SNX5: variants seen among roughly 807,000 people sequenced by gnomAD.
The protein encoded by SNX5 is sorting nexin-5.
Under a neutral mutation model 53.9 loss-of-function variants are expected in SNX5, and 31 were observed. The observed-to-expected ratio is 0.58, with a 90% CI of 0.43 to 0.78. The LOEUF (loss-of-function observed/expected upper bound fraction) is 0.78, where lower values mean the gene tolerates loss of function less well. SNX5 is among the 30% of genes least tolerant of loss of function. SNX5 has a pLI of 0.00. For missense variants in SNX5, 471 were observed against 478.8 expected, an observed-to-expected ratio of 0.98 and a Z score of 0.15; for synonymous variants, 168 against 171.1, an observed-to-expected ratio of 0.98 and a Z score of 0.14.
intron 1 of SNX5, among the ~76,000 whole-genome samples, chr20:17,958,022 A>G (rs1010786184): frequency 7.0e-6 from 1 of 143,164 alleles, no homozygotes; most frequent in East Asian, 2.0e-4. Context: ...AAAAAAAAAA[A>G]GAGAGGAGAG....
At chr20:17,967,343 C>CAAAAAA (rs11471715) in intron 1 of SNX5, among the ~76,000 whole-genome samples, 1 of 146,652 alleles carries the variant, frequency 6.8e-6, no homozygotes, top group African/African-American at 2.5e-5. Context: ...AAAGAACTTT[C>CAAAAAA]AAAAAAAAAA....
chr20:17,965,548 T>C (rs1394518372), intron 1 of SNX5, among the ~76,000 whole-genome samples: 5 of 151,848 alleles, frequency 3.3e-5, no homozygotes, highest in African/African-American at 1.2e-4. Flanking sequence ...TGTGTGCCTG[T>C]AGCCCCAGCT....
intron 5 of SNX5, 53 bp downstream of exon 5, chr20:17,952,534 T>C (rs2039584993): frequency 6.4e-7 from 1 of 1,553,424 alleles, no homozygotes; most frequent in Non-Finnish European, 8.8e-7. Flanking sequence ...AAGTACATTT[T>C]GAAAGTATAA....
chr20:17,961,622 GAC>G (rs2035451630), intron 1 of SNX5: 3 of 984,164 alleles, frequency 3.0e-6, no homozygotes, highest in South Asian at 4.7e-5. Context: ...GGATAAAAAA[GAC>G]ACATATCTAT....
intron 6 of SNX5, 91 bp downstream of exon 6, chr20:17,951,409 T>A: frequency 1.3e-6 from 1 of 770,904 alleles, no homozygotes; most frequent in Non-Finnish European, 2.3e-6. Flanking sequence ...AAGTTAACCA[T>A]TTGTTTCACA....
intron 1 of SNX5, among the ~76,000 whole-genome samples, chr20:17,963,501 C>T (rs1256478480): frequency 1.3e-5 from 2 of 152,136 alleles, no homozygotes; most frequent in African/African-American, 4.8e-5. Context: ...ATGCCAGTTT[C>T]CTTTACTCAG....
intron 1 of SNX5, among the ~76,000 whole-genome samples, chr20:17,966,633 C>T (rs768249717): frequency 6.6e-6 from 1 of 152,152 alleles, no homozygotes; most frequent in Non-Finnish European, 1.5e-5. Flanking sequence ...TCAAGTATGT[C>T]CCCCTACCTT....
chr20:17,958,863 C>G (rs1301137760), intron 1 of SNX5, among the ~76,000 whole-genome samples: 1 of 152,018 alleles, frequency 6.6e-6, no homozygotes, highest in Non-Finnish European at 1.5e-5. Flanking sequence ...ATTGCAGAGG[C>G]TATACCAACG....
intron 11 of SNX5, chr20:17,944,124 G>A (rs2039453856): frequency 6.6e-6 from 1 of 152,140 alleles, no homozygotes; most frequent in Admixed American, 6.5e-5. Flanking sequence ...TCACTTACAG[G>A]TAAAATCTTA....
Position 17,956,692 on chromosome 20 carries a change from AAAAAAAAAAAAAC to A in SNX5, c.156+228_156+240del, listed in dbSNP as rs1196844039. On this transcript the variant is annotated intron_variant, in intron 2 of 12. Coordinates refer to ENST00000377759, the MANE Select transcript of SNX5 (RefSeq NM_014426.4). ...TGTCTCCAAAAAAAAAAAAAAAAAA[AAAAAAAAAAAAAC>A]AAAAAAACAATGCCCACAGCCCAGG... Among the ~76,000 whole-genome samples, 270 of 118,750 alleles carry A rather than the reference AAAAAAAAAAAAAC, an allele frequency of 2.3e-3. 2 individuals carry two copies. The highest frequency in any genetic ancestry group is 3.5e-3 in the South Asian group (11 of 3,106). The allele number at this position is 118,750 out of a possible 152,430, so 77.9% of individuals were successfully genotyped here.
At position 17,968,716 on chromosome 20, in the gene SNX5, G is replaced by C; in HGVS notation, c.-291C>G. The C allele has an allele frequency of 2.3e-6, 1 of 435,836 alleles. No homozygotes were observed. Among genetic ancestry groups the C allele is most frequent in the South Asian group, 2.5e-5 (1 of 39,412 alleles). The allele number at this position is 435,836 out of a possible 1,614,324, so 27.0% of individuals were successfully genotyped here. A position where few individuals can be genotyped will look rare whatever the true frequency, so the allele number is the denominator to read the frequency against. ...GGGGCCTACCCTTGCTCCGCTCCACGAGGAGGCCGCCAACCGCAGGGCCGC... is the reference window on the plus strand; with the variant it reads ...GGGGCCTACCCTTGCTCCGCTCCACCAGGAGGCCGCCAACCGCAGGGCCGC... On this transcript the variant is annotated 5_prime_UTR_variant, in exon 1 of 13. Coordinates refer to ENST00000377759, the MANE Select transcript of SNX5 (RefSeq NM_014426.4).
rs1427557303 is a variant in SNX5, at chr20:17,949,069, G to A, written c.826C>T (p.Leu276=). ...LLKVAELFEK[L]RKVEGRVSSD... ...ACCAACACAGAAATCCTTACCCTTA[G>A]TTTTTCAAATAGCTCAGCAACCTTC... Residue 276 remains leucine, a synonymous_variant, in exon 9 of 13, where the codon CTA becomes TTA. Transcript: ENST00000377759. 1.9e-6 allele frequency: 3 copies of A among 1,613,200 alleles called. No individual in the cohort carries two copies. Among genetic ancestry groups the A allele is most frequent in the Non-Finnish European group, 2.5e-6 (3 of 1,179,682 alleles).
intron 11 of SNX5, 44 bp downstream of exon 11, chr20:17,947,442 T>A: frequency 6.3e-7 from 1 of 1,582,220 alleles, no homozygotes; most frequent in Non-Finnish European, 8.6e-7. Flanking sequence ...AAGTTTGAAA[T>A]TATTTTCAAA....
Position 17,951,493 on chromosome 20 carries a change from C to T in SNX5, c.609+7G>A. On this transcript the variant is annotated splice_region_variant and intron_variant, in intron 6 of 12. Coordinates refer to ENST00000377759, the MANE Select transcript of SNX5 (RefSeq NM_014426.4). ...AAAATTTTCTCCAACAGCCAAAGGTCACTTACCTTAACTCCAGTAAAAAGG... is the reference window on the plus strand; with the variant it reads ...AAAATTTTCTCCAACAGCCAAAGGTTACTTACCTTAACTCCAGTAAAAAGG... 1 of 1,598,158 alleles carries T rather than the reference C, an allele frequency of 6.3e-7. No homozygotes were observed. Among genetic ancestry groups the T allele is most frequent in the South Asian group, 1.1e-5 (1 of 90,408 alleles).
rs201335252 is a variant in SNX5 at position 17,962,887 on chromosome 20, G to A, written c.51+5488C>T. The A allele has an allele frequency of 8.5e-4, 440 of 519,094 alleles. 2 individuals are homozygous for A. Among genetic ancestry groups the A allele is most frequent in the Admixed American group, 1.4e-3 (73 of 51,602 alleles). 32.2% of individuals were successfully genotyped at this position (519,094 alleles called of 1,614,324 possible). ...TCAAGTTCCTAGAACAGGAACTGAGGCTTGGAAGAAGGTCAGTGCAGCGCA... is the reference window on the plus strand; with the variant it reads ...TCAAGTTCCTAGAACAGGAACTGAGACTTGGAAGAAGGTCAGTGCAGCGCA... On this transcript the variant is annotated intron_variant, in intron 1 of 12. Coordinates refer to ENST00000377759, the MANE Select transcript of SNX5 (RefSeq NM_014426.4).
intron 1 of SNX5, among the ~76,000 whole-genome samples, chr20:17,964,506 G>C (rs564972805): frequency 1.3e-5 from 2 of 152,292 alleles, no homozygotes; most frequent in South Asian, 2.1e-4. Flanking sequence ...AAGGTGTGAA[G>C]ATCTCTTTTA....
rs530235803 is a variant in SNX5, at chr20:17,958,622, A to G, written c.52-1585T>C. 6.6e-5 allele frequency among the ~76,000 whole-genome samples: 10 copies of G among 152,336 alleles called. No homozygotes were observed. In the South Asian group the frequency reaches 1.9e-3, roughly 28 times the overall value. On this transcript the variant is annotated intron_variant, in intron 1 of 12. Transcript: ENST00000377759. ...ATCTCAACCTAAGTATTTTTCTTCC[A>G]CATGAATTCTTGATAACTCCTATGA...
At position 17,968,467 on chromosome 20, in the gene SNX5, G is replaced by A. The variant is rs1600367826; in HGVS notation, c.-42C>T. 3 of 1,280,414 alleles carry A rather than the reference G, an allele frequency of 2.3e-6. No homozygotes were observed. The highest frequency in any genetic ancestry group is 3.2e-5 in the East Asian group (1 of 31,092). The allele number at this position is 1,280,414 out of a possible 1,614,324, so 79.3% of individuals were successfully genotyped here. Reference sequence around the variant, plus strand: ...AGCAGGGGCCGCCTGGCTGTGCGAGGAAAGAAGAAGCTGGGCCGCCGCCGC... The same window carrying A: ...AGCAGGGGCCGCCTGGCTGTGCGAGAAAAGAAGAAGCTGGGCCGCCGCCGC... On this transcript the variant is annotated 5_prime_UTR_variant, in exon 1 of 13. Coordinates refer to ENST00000377759, the MANE Select transcript of SNX5 (RefSeq NM_014426.4).
In SNX5 at chr20:17,968,560, C is replaced by G; in HGVS notation, c.-135G>C. On this transcript the variant is annotated 5_prime_UTR_variant, in exon 1 of 13. Coordinates refer to ENST00000377759, the MANE Select transcript of SNX5 (RefSeq NM_014426.4). ...CGCCGGCCTCCCTGCCCGACGGCGG[C>G]AGGAGGCCTCCGGACTCCGCCACCA... is the stretch of plus-strand genomic sequence containing the variant. The G allele has an allele frequency of 1.2e-6, 1 of 809,554 alleles. No homozygotes were observed. Among genetic ancestry groups the G allele is most frequent in the African/African-American group, 1.8e-5 (1 of 55,440 alleles). The allele number at this position is 809,554 out of a possible 1,614,324, so 50.1% of individuals were successfully genotyped here. A position where few individuals can be genotyped will look rare whatever the true frequency, so the allele number is the denominator to read the frequency against.
Sources: gnomAD v4.1 joint callset for allele counts (sites outside exome capture counted in the v4.1 genomes callset) on GRCh38, gnomAD v4.1.1 for gene constraint, MANE v1.5 for transcripts, NCBI Gene and HGNC (gene_info 2026-07-23, HGNC 2026-07-21) for gene names.